SCHIP1: variants seen among roughly 807,000 people sequenced by gnomAD.
SCHIP1 encodes schwannomin interacting protein 1.
A neutral mutation model predicts 29.7 loss-of-function variants in SCHIP1; 8 were observed. The observed-to-expected ratio is 0.27, with a 90% CI of 0.16 to 0.49. SCHIP1 has a LOEUF of 0.49. Among genes scored for constraint, SCHIP1 ranks in the 20% least tolerant of loss-of-function variants. The pLI, the probability that SCHIP1 is intolerant of heterozygous loss-of-function variation, is 0.99. For synonymous variants in SCHIP1, 76 were observed against 94.9 expected, an observed-to-expected ratio of 0.80 and a Z score of 1.16; for missense variants, 193 against 294.6, an observed-to-expected ratio of 0.66 and a Z score of 2.52.
At chr3:159,495,431 G>T in the SCHIP1 span, among the ~76,000 whole-genome samples, 6 of 152,128 alleles carry the variant, frequency 3.9e-5, no homozygotes, top group Non-Finnish European at 8.8e-5. Flanking sequence ...AAATCAATGT[G>T]CAAAAATCAC....
the SCHIP1 span, among the ~76,000 whole-genome samples, chr3:159,395,827 C>G: frequency 6.6e-6 from 1 of 151,766 alleles, no homozygotes; most frequent in Non-Finnish European, 1.5e-5. Flanking sequence ...CTGTAGATGT[C>G]TATTAGGTCC....
the SCHIP1 span, among the ~76,000 whole-genome samples, chr3:159,541,245 C>A: frequency 6.6e-6 from 1 of 152,058 alleles, no homozygotes; most frequent in Non-Finnish European, 1.5e-5. Flanking sequence ...AGAGTATCAG[C>A]AAGCCCATTC....
At chr3:159,850,330 G>A (rs1299047214) in intron 1 of SCHIP1, among the ~76,000 whole-genome samples, 1 of 152,068 alleles carries the variant, frequency 6.6e-6, no homozygotes, top group Non-Finnish European at 1.5e-5. Flanking sequence ...AAGGCGGGTG[G>A]ATCACCTGAG....
chr3:159,428,954 C>T, the SCHIP1 span, among the ~76,000 whole-genome samples: 220 of 151,432 alleles, frequency 1.5e-3, 1 homozygote, highest in Middle Eastern at 3.4e-3. Context: ...GAACAAAAAG[C>T]CAAACACCGC....
the SCHIP1 span, among the ~76,000 whole-genome samples, chr3:159,283,254 G>A: frequency 9.4e-4 from 143 of 152,284 alleles, 1 homozygote; most frequent in Admixed American, 3.1e-3. Context: ...CTGGGTTCAA[G>A]TGATTCTCCT....
At chr3:159,527,492 C>T in the SCHIP1 span, among the ~76,000 whole-genome samples, 1 of 152,202 alleles carries the variant, frequency 6.6e-6, no homozygotes, top group Admixed American at 6.5e-5. Flanking sequence ...ACAAAACTCT[C>T]TTAGTTGTAA....
At chr3:159,344,103 C>T in the SCHIP1 span, among the ~76,000 whole-genome samples, 15 of 152,086 alleles carry the variant, frequency 9.9e-5, no homozygotes, top group South Asian at 1.0e-3. Context: ...GAGGCTGGGG[C>T]GGGCAGATCA....
chr3:159,401,214 G>A, the SCHIP1 span: 1 of 937,924 alleles, frequency 1.1e-6, no homozygotes, highest in Non-Finnish European at 1.3e-6. Context: ...TTTGTAATAA[G>A]TGAACTGACC....
At chr3:159,499,894 AT>A in the SCHIP1 span, among the ~76,000 whole-genome samples, 1 of 152,218 alleles carries the variant, frequency 6.6e-6, no homozygotes, top group East Asian at 1.9e-4. Flanking sequence ...CCGGTTTCTC[AT>A]TTTGAAACAT....
chr3:159,862,361 C>T (rs1473422514), intron 1 of SCHIP1, among the ~76,000 whole-genome samples: 3 of 152,204 alleles, frequency 2.0e-5, no homozygotes, highest in Admixed American at 6.5e-5. Context: ...GTATGGTAAC[C>T]TTTCATCTCC....
At chr3:159,742,594 G>C in the SCHIP1 span, among the ~76,000 whole-genome samples, 5,562 of 152,230 alleles carry the variant, frequency 0.037, 335 homozygotes, top group African/African-American at 0.13. Flanking sequence ...ACAACCATGA[G>C]ACCACGGTAT....
chr3:159,357,491 G>A, the SCHIP1 span, among the ~76,000 whole-genome samples: 1 of 152,190 alleles, frequency 6.6e-6, no homozygotes, highest in South Asian at 2.1e-4. Flanking sequence ...CTATCAATGA[G>A]AGGACAGGAA....
At chr3:159,542,026 A>T in the SCHIP1 span, among the ~76,000 whole-genome samples, 1 of 152,046 alleles carries the variant, frequency 6.6e-6, no homozygotes, top group Non-Finnish European at 1.5e-5. Context: ...GGGATGGGAT[A>T]TTTGGGATTT....
chr3:159,352,238 A>G, the SCHIP1 span, among the ~76,000 whole-genome samples: 1 of 152,058 alleles, frequency 6.6e-6, no homozygotes, highest in South Asian at 2.1e-4. Context: ...TATCTGCTCT[A>G]TTTCCCATCA....
chr3:159,308,412 A>G, the SCHIP1 span, among the ~76,000 whole-genome samples: 1 of 152,314 alleles, frequency 6.6e-6, no homozygotes, highest in Middle Eastern at 3.4e-3. Context: ...AGTGGCTAAC[A>G]CACATACGGA....
the SCHIP1 span, among the ~76,000 whole-genome samples, chr3:159,508,562 G>A: frequency 2.0e-4 from 31 of 152,114 alleles, no homozygotes; most frequent in African/African-American, 7.2e-4. Flanking sequence ...GTGATGTTAG[G>A]GTGTCAATTT....
At chr3:159,880,541 G>A (rs749524062) in intron 2 of SCHIP1, among the ~76,000 whole-genome samples, 1 of 152,116 alleles carries the variant, frequency 6.6e-6, no homozygotes, top group African/African-American at 2.4e-5. Context: ...TGTAGGGGTC[G>A]TGAACCATAA....
the SCHIP1 span, among the ~76,000 whole-genome samples, chr3:159,597,151 G>C: frequency 1.3e-5 from 2 of 152,054 alleles, no homozygotes; most frequent in African/African-American, 2.4e-5. Context: ...CATATAAATT[G>C]ATTGTGAAAA....
At chr3:159,555,241 GT>G in the SCHIP1 span, among the ~76,000 whole-genome samples, 1 of 152,120 alleles carries the variant, frequency 6.6e-6, no homozygotes, top group African/African-American at 2.4e-5. Flanking sequence ...TCTGGCCCTG[GT>G]TGTGGTAGGA....
Sources: gnomAD v4.1 joint callset for allele counts (sites outside exome capture counted in the v4.1 genomes callset) on GRCh38, gnomAD v4.1.1 for gene constraint, MANE v1.5 for transcripts, NCBI Gene and HGNC (gene_info 2026-07-23, HGNC 2026-07-21) for gene names.